The following XKR4 variants were observed in gnomAD, a reference collection of about 807,000 sequenced individuals.
The protein encoded by XKR4 is XK related 4, also known as XK-related protein 4.
In XKR4, 12 loss-of-function variants were observed where a neutral mutation model predicts 53.9. The observed-to-expected ratio is 0.22, with a 90% CI of 0.14 to 0.36. The LOEUF (loss-of-function observed/expected upper bound fraction) is 0.36, where lower values mean the gene tolerates loss of function less well. Among genes scored for constraint, XKR4 ranks in the 10% least tolerant of loss-of-function variants. XKR4 has a pLI of 1.00. For synonymous variants in XKR4, 354 were observed against 362.4 expected (o/e 0.98, Z 0.26); for missense variants, 799 against 859.5 (o/e 0.93, Z 0.88).
At chr8:55,483,698 G>T (rs974887570) in intron 2 of XKR4, among the ~76,000 whole-genome samples, 1 of 151,958 alleles carries the variant, frequency 6.6e-6, no homozygotes, top group Non-Finnish European at 1.5e-5. Flanking sequence ...TGGGACACAG[G>T]TATAGCAGTG....
chr8:55,106,769 G>C (rs1816155512), intron 1 of XKR4, among the ~76,000 whole-genome samples: 2 of 152,130 alleles, frequency 1.3e-5, no homozygotes, highest in African/African-American at 4.8e-5. Flanking sequence ...ATGGTAGAGT[G>C]GGGAGCATTT....
intron 2 of XKR4, among the ~76,000 whole-genome samples, chr8:55,408,043 A>G (rs985220642): frequency 6.6e-6 from 1 of 152,190 alleles, no homozygotes; most frequent in Non-Finnish European, 1.5e-5. Context: ...GTGAGTGAAG[A>G]CAGGTGGAGC....
At chr8:55,142,619 CA>C (rs1291802708) in intron 1 of XKR4, among the ~76,000 whole-genome samples, 2 of 152,088 alleles carry the variant, frequency 1.3e-5, no homozygotes, top group African/African-American at 4.8e-5. Context: ...CAAGAAATAA[CA>C]AAGTGGGACC....
intron 1 of XKR4, among the ~76,000 whole-genome samples, chr8:55,328,950 C>T (rs944625620): frequency 1.3e-5 from 2 of 152,118 alleles, no homozygotes; most frequent in African/African-American, 4.8e-5. Context: ...TGCTCATGGT[C>T]TCTCCTCCAC....
intron 1 of XKR4, among the ~76,000 whole-genome samples, chr8:55,267,385 G>T (rs1818623071): frequency 6.6e-6 from 1 of 152,172 alleles, no homozygotes; most frequent in African/African-American, 2.4e-5. Flanking sequence ...CAACCCTGTG[G>T]AGTAAGTGTA....
chr8:55,130,732 T>C (rs1816541558), intron 1 of XKR4, among the ~76,000 whole-genome samples: 1 of 152,122 alleles, frequency 6.6e-6, no homozygotes. Flanking sequence ...TAAGTTGTAG[T>C]GTATATGTGC....
intron 2 of XKR4, among the ~76,000 whole-genome samples, chr8:55,437,960 AAAAAAAG>A (rs1805200314): frequency 8.2e-6 from 1 of 121,622 alleles, no homozygotes; most frequent in African/African-American, 3.9e-5. Context: ...CAAACAAAAA[AAAAAAAG>A]AAGAAGAAGA....
chr8:55,187,512 A>G (rs947380578), intron 1 of XKR4, among the ~76,000 whole-genome samples: 4 of 152,204 alleles, frequency 2.6e-5, no homozygotes, highest in African/African-American at 7.2e-5. Context: ...AGGTGAGTCA[A>G]GTCGACCAGT....
chr8:55,284,010 G>C (rs915788599), intron 1 of XKR4, among the ~76,000 whole-genome samples: 1 of 152,202 alleles, frequency 6.6e-6, no homozygotes, highest in African/African-American at 2.4e-5. Context: ...GATCACAGAA[G>C]TCTAATATAA....
intron 2 of XKR4, among the ~76,000 whole-genome samples, chr8:55,463,009 C>T (rs2129398391): frequency 6.6e-6 from 1 of 152,296 alleles, no homozygotes; most frequent in East Asian, 1.9e-4. Context: ...GACTTACACT[C>T]CCACACTATA....
chr8:55,475,093 G>C (rs1354301656), intron 2 of XKR4, among the ~76,000 whole-genome samples: 1 of 151,982 alleles, frequency 6.6e-6, no homozygotes, highest in Admixed American at 6.6e-5. Flanking sequence ...ACAATAAATA[G>C]TCAGTGATAC....
intron 2 of XKR4, among the ~76,000 whole-genome samples, chr8:55,393,577 T>A (rs1342128546): frequency 2.0e-5 from 3 of 152,166 alleles, no homozygotes; most frequent in African/African-American, 7.2e-5. Context: ...TTTGAAATCT[T>A]AGTAAAAAGT....
chr8:55,519,105 A>G (rs1806761589), intron 2 of XKR4, among the ~76,000 whole-genome samples: 1 of 152,260 alleles, frequency 6.6e-6, no homozygotes, highest in African/African-American at 2.4e-5. Context: ...GAGGCAGGAG[A>G]GAGGGAAGAT....
chr8:55,349,422 G>A (rs1803697030), intron 1 of XKR4, among the ~76,000 whole-genome samples: 3 of 152,120 alleles, frequency 2.0e-5, no homozygotes, highest in Admixed American at 6.5e-5. Flanking sequence ...GGGGACCTTG[G>A]CCCAGCTTCC....
chr8:55,415,415 A>G (rs1044353820), intron 2 of XKR4, among the ~76,000 whole-genome samples: 3 of 152,214 alleles, frequency 2.0e-5, no homozygotes, highest in African/African-American at 7.2e-5. Context: ...TCAGAAGCTA[A>G]ATACATAACA....
intron 2 of XKR4, among the ~76,000 whole-genome samples, chr8:55,512,591 AT>A (rs1243433072): frequency 6.6e-6 from 1 of 152,108 alleles, no homozygotes; most frequent in Non-Finnish European, 1.5e-5. Context: ...TTCCATACTG[AT>A]TTTTCAGTTC....
rs1431040513 is a variant in XKR4 at position 55,535,947 on chromosome 8, A to T, written c.*11720A>T. 1 of 152,220 alleles carries T rather than the reference A, an allele frequency of 6.6e-6. No homozygotes were observed. Among genetic ancestry groups the T allele is most frequent in the East Asian group, 1.9e-4 (1 of 5,198 alleles). The allele number at this position is 152,220 out of a possible 1,614,324, so 9.4% of individuals were successfully genotyped here. ...CTTCTCGTGGGTTCTAAGATAAGGT[A>T]TTCCAAGGTATTGTAAGTTACCCTT... On this transcript the variant is annotated 3_prime_UTR_variant, in exon 3 of 3. Coordinates refer to ENST00000327381, the MANE Select transcript of XKR4 (RefSeq NM_052898.2).
At chr8:55,225,825 C>A (rs1817944729) in intron 1 of XKR4, among the ~76,000 whole-genome samples, 1 of 152,220 alleles carries the variant, frequency 6.6e-6, no homozygotes, top group African/African-American at 2.4e-5. Flanking sequence ...AGATACTCCA[C>A]ATAAAATGTA....
At chr8:55,155,631 TAA>T (rs34576467) in intron 1 of XKR4, among the ~76,000 whole-genome samples, 53,349 of 147,928 alleles carry the variant, frequency 0.36, 10,634 homozygotes, top group African/African-American at 0.56. Flanking sequence ...ATAAAGGCAT[TAA>T]GAGAGAGAGA....
Sources: gnomAD v4.1 joint callset for allele counts (sites outside exome capture counted in the v4.1 genomes callset) on GRCh38, gnomAD v4.1.1 for gene constraint, MANE v1.5 for transcripts, NCBI Gene and HGNC (gene_info 2026-07-23, HGNC 2026-07-21) for gene names.